AP3B1: variants seen among roughly 807,000 people sequenced by gnomAD.
AP3B1 encodes adaptor related protein complex 3 subunit beta 1, also known as AP-3 complex subunit beta-1.
Under a neutral mutation model 132.5 loss-of-function variants are expected in AP3B1, and 61 were observed. The ratio of observed to expected loss-of-function variants is 0.46; its 90% CI spans 0.37 to 0.57. AP3B1 has a LOEUF of 0.57. Ranked by LOEUF, AP3B1 falls within the 20% of genes least tolerant of loss-of-function variation. The probability of loss-of-function intolerance (pLI) is 0.00; values close to 1 mark genes in which losing one functional copy is unlikely to be tolerated. For synonymous variants in AP3B1, 388 were observed against 438.3 expected (o/e 0.89, Z 1.43); for missense variants, 1,120 against 1,289.4 (o/e 0.87, Z 2.01).
intron 2 of AP3B1, among the ~76,000 whole-genome samples, chr5:78,264,883 T>C (rs1748254919): frequency 6.6e-6 from 1 of 152,232 alleles, no homozygotes; most frequent in Admixed American, 6.5e-5. Flanking sequence ...TAAAATTTCT[T>C]TCCATGGTTT....
At chr5:78,087,664 T>C (rs1056132579) in intron 22 of AP3B1, 1 of 985,362 alleles carries the variant, frequency 1.0e-6, no homozygotes, top group Non-Finnish European at 1.2e-6. Flanking sequence ...AGTGCTTTTC[T>C]TTCCTTTGAA....
rs1051155924 is a variant in AP3B1, at chr5:78,099,507, G to A, written c.2470+1446C>T. Among the ~76,000 whole-genome samples the A allele has an allele frequency of 9.2e-5, 14 of 152,140 alleles. No individual in the cohort carries two copies. In the East Asian group the frequency reaches 1.5e-3, roughly 17 times the overall value. ...AAGGAGTATGGGCTTTCATCTAAAT[G>A]CAAAATTAAGCCATTAAATTCAAGG... On this transcript the variant is annotated intron_variant, in intron 21 of 26. Coordinates refer to ENST00000255194, the MANE Select transcript of AP3B1 (RefSeq NM_003664.5).
chr5:78,120,869 C>A (rs1353282697), intron 17 of AP3B1, among the ~76,000 whole-genome samples: 2 of 152,192 alleles, frequency 1.3e-5, no homozygotes, highest in African/African-American at 4.8e-5. Context: ...GAACTCTCCA[C>A]CCCAAATCAA....
chr5:78,125,078 G>A (rs1157903054), intron 17 of AP3B1, among the ~76,000 whole-genome samples: 1 of 152,140 alleles, frequency 6.6e-6, no homozygotes, highest in Non-Finnish European at 1.5e-5. Context: ...AGAGAACATA[G>A]ACGCTAATTT....
At chr5:78,225,368 G>A (rs543063139) in intron 6 of AP3B1, among the ~76,000 whole-genome samples, 174 bp downstream of exon 6, 2 of 152,044 alleles carry the variant, frequency 1.3e-5, no homozygotes, top group East Asian at 3.9e-4. Flanking sequence ...AACTCCAAAT[G>A]CAGTCTTTCT....
At chr5:78,096,081 C>G (rs1750762581) in intron 21 of AP3B1, among the ~76,000 whole-genome samples, 1 of 152,214 alleles carries the variant, frequency 6.6e-6, no homozygotes, top group Admixed American at 6.5e-5. Context: ...GACTGTACTG[C>G]TGCCATCTCG....
At chr5:78,273,173 G>A (rs1748623830) in intron 1 of AP3B1, among the ~76,000 whole-genome samples, 2 of 151,308 alleles carry the variant, frequency 1.3e-5, no homozygotes. Flanking sequence ...GGGAGGCCGA[G>A]GCTAGTGGAT....
intron 1 of AP3B1, among the ~76,000 whole-genome samples, chr5:78,289,197 G>A (rs544207715): frequency 3.9e-5 from 6 of 152,218 alleles, no homozygotes; most frequent in African/African-American, 9.6e-5. Flanking sequence ...AAAAAGTAGT[G>A]GAGATAAAGT....
intron 22 of AP3B1, among the ~76,000 whole-genome samples, chr5:78,041,189 G>T (rs1748067948): frequency 6.6e-6 from 1 of 151,810 alleles, no homozygotes; most frequent in Non-Finnish European, 1.5e-5. Flanking sequence ...CAGGAGAATG[G>T]CTTGAACCTG....
chr5:78,077,420 C>T (rs1027234273), intron 22 of AP3B1, among the ~76,000 whole-genome samples: 2 of 152,148 alleles, frequency 1.3e-5, no homozygotes, highest in African/African-American at 2.4e-5. Flanking sequence ...TGGGTGCCTC[C>T]AACCTCCTTC....
intron 17 of AP3B1, chr5:78,121,763 G>C (rs1347260686): frequency 6.6e-6 from 1 of 152,114 alleles, no homozygotes; most frequent in East Asian, 1.9e-4. Flanking sequence ...TTCTACCAGA[G>C]GTACAAGGAG....
chr5:78,253,599 T>C (rs1481519908), intron 2 of AP3B1, among the ~76,000 whole-genome samples: 1 of 152,196 alleles, frequency 6.6e-6, no homozygotes, highest in Non-Finnish European at 1.5e-5. Flanking sequence ...ATATGTGACC[T>C]TTCAGATACA....
At chr5:78,145,306 G>A (rs772121958) in intron 14 of AP3B1, among the ~76,000 whole-genome samples, 1 of 152,132 alleles carries the variant, frequency 6.6e-6, no homozygotes, top group Non-Finnish European at 1.5e-5. Flanking sequence ...CTGTTTTTGA[G>A]AGCTTTACGT....
At chr5:78,271,386 A>C (rs892163992) in intron 1 of AP3B1, among the ~76,000 whole-genome samples, 4 of 152,206 alleles carry the variant, frequency 2.6e-5, no homozygotes, top group African/African-American at 9.7e-5. Context: ...GCACCATTGC[A>C]CTCCAGCCTG....
At chr5:78,014,686 C>T (rs2112052475) in intron 26 of AP3B1, among the ~76,000 whole-genome samples, 1 of 151,372 alleles carries the variant, frequency 6.6e-6, no homozygotes, top group African/African-American at 2.4e-5. Flanking sequence ...CAGAAGTATG[C>T]CTGCCATGAG....
intron 7 of AP3B1, among the ~76,000 whole-genome samples, chr5:78,193,748 A>ATATATC (rs1744950119): frequency 7.0e-5 from 4 of 57,042 alleles, no homozygotes; most frequent in East Asian, 3.3e-4. Context: ...ATTTTTTTAT[A>ATATATC]TATATATATA....
intron 22 of AP3B1, among the ~76,000 whole-genome samples, chr5:78,076,843 C>T (rs931353969): frequency 3.3e-5 from 5 of 152,258 alleles, no homozygotes; most frequent in African/African-American, 1.2e-4. Context: ...AGTAGGGTAA[C>T]CCAAAAGTTT....
At chr5:78,124,365 C>T (rs1411326981) in intron 17 of AP3B1, among the ~76,000 whole-genome samples, 1 of 152,076 alleles carries the variant, frequency 6.6e-6, no homozygotes, top group Non-Finnish European at 1.5e-5. Context: ...ATTAAACACA[C>T]ACACACACAC....
At chr5:78,245,357 G>A (rs1158735205) in intron 2 of AP3B1, among the ~76,000 whole-genome samples, 1 of 152,158 alleles carries the variant, frequency 6.6e-6, no homozygotes, top group East Asian at 1.9e-4. Context: ...GCTTAACTAG[G>A]AGCCTGCACG....
Sources: allele counts gnomAD v4.1 joint callset (sites outside exome capture counted in the v4.1 genomes callset), GRCh38; gene constraint gnomAD v4.1.1; transcripts MANE v1.5; gene names NCBI Gene and HGNC (gene_info 2026-07-23, HGNC 2026-07-21).